GPC5: variants seen among roughly 807,000 people sequenced by gnomAD.
GPC5 encodes the protein glypican-5.
GPC5 carries 47 observed loss-of-function variants against 53.9 expected under a neutral mutation model. The ratio of observed to expected loss-of-function variants is 0.87; its 90% CI spans 0.69 to 1.11. The LOEUF is 1.11. Among genes scored for constraint, GPC5 ranks in the 50% most tolerant of loss-of-function variants. The pLI is 0.00. For missense variants in GPC5, 748 were observed against 713.1 expected (o/e 1.05, Z -0.56); for synonymous variants, 286 against 263.3 (o/e 1.09, Z -0.84).
rs1270393161 is a variant in GPC5 at position 92,148,160 on chromosome 13, A to G, written c.1561+3171A>G. On this transcript the variant is annotated intron_variant, in intron 7 of 7. Coordinates refer to ENST00000377067, the MANE Select transcript of GPC5 (RefSeq NM_004466.6). Reference sequence around the variant, plus strand: ...GTTATATATGTGTATATATCTACATATAACTATATATAGTTGTGAGTATTA... The same window carrying G: ...GTTATATATGTGTATATATCTACATGTAACTATATATAGTTGTGAGTATTA... Among the ~76,000 whole-genome samples the G allele has an allele frequency of 5.3e-5, 8 of 152,102 alleles. No homozygotes were observed. In the East Asian group the frequency reaches 1.5e-3, roughly 29 times the overall value.
At chr13:91,885,789 G>T (rs1238383638) in intron 5 of GPC5, among the ~76,000 whole-genome samples, 1 of 152,082 alleles carries the variant, frequency 6.6e-6, no homozygotes, top group East Asian at 1.9e-4. Flanking sequence ...TGTCATTGTA[G>T]CCTTCATCTC....
At chr13:91,403,586 G>T (rs1877108444) in intron 1 of GPC5, among the ~76,000 whole-genome samples, 1 of 152,148 alleles carries the variant, frequency 6.6e-6, no homozygotes, top group Non-Finnish European at 1.5e-5. Context: ...TATACCACAG[G>T]TCCCAAGTGG....
chr13:92,331,794 G>A (rs1346303610), intron 7 of GPC5, among the ~76,000 whole-genome samples: 4 of 151,766 alleles, frequency 2.6e-5, no homozygotes, highest in South Asian at 2.1e-4. Context: ...TTTAAGCCAC[G>A]GTTGCAGATC....
At chr13:91,917,719 G>T (rs1189350865) in intron 6 of GPC5, among the ~76,000 whole-genome samples, 1 of 152,166 alleles carries the variant, frequency 6.6e-6, no homozygotes, top group African/African-American at 2.4e-5. Flanking sequence ...ATAAAGCATA[G>T]AAAGAATCAC....
At chr13:92,703,125 T>C (rs1887815878) in intron 7 of GPC5, among the ~76,000 whole-genome samples, 1 of 151,744 alleles carries the variant, frequency 6.6e-6, no homozygotes. Context: ...CACTATGTAA[T>C]GTAGTTATTT....
chr13:91,722,951 T>C (rs2036504678), intron 3 of GPC5, among the ~76,000 whole-genome samples: 1 of 152,172 alleles, frequency 6.6e-6, no homozygotes, highest in South Asian at 2.1e-4. Flanking sequence ...CAGTGCTTTA[T>C]GGAGTCTTAA....
chr13:91,514,081 T>G (rs1471414064), intron 2 of GPC5, among the ~76,000 whole-genome samples: 1 of 152,222 alleles, frequency 6.6e-6, no homozygotes, highest in Non-Finnish European at 1.5e-5. Flanking sequence ...TGGTTTTTGG[T>G]TATTTTCAGT....
At chr13:91,878,993 A>C (rs539367012) in intron 5 of GPC5, among the ~76,000 whole-genome samples, 1 of 152,272 alleles carries the variant, frequency 6.6e-6, no homozygotes, top group East Asian at 1.9e-4. Context: ...TCTCCTACAG[A>C]AGATTTGTCT....
At chr13:92,544,567 T>A (rs1882038118) in intron 7 of GPC5, among the ~76,000 whole-genome samples, 1 of 152,194 alleles carries the variant, frequency 6.6e-6, no homozygotes, top group South Asian at 2.1e-4. Context: ...ATAACCCTAG[T>A]GGCTTTTGAT....
chr13:91,769,188 C>T (rs2037577975), intron 5 of GPC5, among the ~76,000 whole-genome samples: 2 of 152,114 alleles, frequency 1.3e-5, no homozygotes, highest in Non-Finnish European at 1.5e-5. Context: ...AGAATTCCAT[C>T]CTCTTCTGGG....
chr13:92,211,429 C>A (rs1011204768), intron 7 of GPC5, among the ~76,000 whole-genome samples: 5 of 152,196 alleles, frequency 3.3e-5, no homozygotes, highest in Admixed American at 2.6e-4. Flanking sequence ...GCCCTCAGTT[C>A]TAAGGGTGGT....
intron 7 of GPC5, among the ~76,000 whole-genome samples, chr13:92,763,655 G>T (rs1227619273): frequency 6.6e-6 from 1 of 152,136 alleles, no homozygotes; most frequent in African/African-American, 2.4e-5. Flanking sequence ...TGCCACCTGG[G>T]TCTTGTGGTG....
At chr13:91,775,649 A>G (rs1328209493) in intron 5 of GPC5, among the ~76,000 whole-genome samples, 1 of 152,220 alleles carries the variant, frequency 6.6e-6, no homozygotes, top group Non-Finnish European at 1.5e-5. Context: ...TTTCAAAATC[A>G]AAAGTAAATG....
chr13:92,385,194 A>G (rs1463093426), intron 7 of GPC5, among the ~76,000 whole-genome samples: 4 of 151,546 alleles, frequency 2.6e-5, no homozygotes, highest in African/African-American at 7.3e-5. Context: ...TAAAAATTCT[A>G]TATAAATACA....
chr13:92,847,046 A>G (rs1653059319), intron 7 of GPC5, among the ~76,000 whole-genome samples: 1 of 151,980 alleles, frequency 6.6e-6, no homozygotes, highest in Admixed American at 6.6e-5. Flanking sequence ...CTCTTATTCC[A>G]TTGTGTAGTA....
intron 7 of GPC5, among the ~76,000 whole-genome samples, chr13:92,489,885 A>AC (rs888520964): frequency 4.0e-5 from 6 of 151,700 alleles, no homozygotes; most frequent in African/African-American, 1.5e-4. Flanking sequence ...AGAAAAAAAA[A>AC]AAGTCAGCTT....
chr13:92,376,364 C>G (rs1389715960), intron 7 of GPC5, among the ~76,000 whole-genome samples: 1 of 152,144 alleles, frequency 6.6e-6, no homozygotes, highest in Non-Finnish European at 1.5e-5. Flanking sequence ...GCATGGGCTT[C>G]TCATCTGTAG....
intron 6 of GPC5, among the ~76,000 whole-genome samples, chr13:92,141,283 T>C (rs1226557041): frequency 6.6e-6 from 1 of 152,000 alleles, no homozygotes; most frequent in Non-Finnish European, 1.5e-5. Flanking sequence ...GAAAGGGAGA[T>C]ATTGACCCTA....
At chr13:91,489,236 C>T (rs3848057) in intron 2 of GPC5, among the ~76,000 whole-genome samples, 13,953 of 152,202 alleles carry the variant, frequency 0.092, 796 homozygotes, top group African/African-American at 0.16. Flanking sequence ...TATTCGTACA[C>T]TCCCTCCCCT....
Sources: allele counts gnomAD v4.1 joint callset (sites outside exome capture counted in the v4.1 genomes callset), GRCh38; gene constraint gnomAD v4.1.1; transcripts MANE v1.5; gene names NCBI Gene and HGNC (gene_info 2026-07-23, HGNC 2026-07-21).